Variants in THSD7A observed in about 807,000 individuals in gnomAD.
The protein encoded by THSD7A is thrombospondin type 1 domain containing 7A.
THSD7A carries 96 observed loss-of-function variants against 231.3 expected under a neutral mutation model. The observed-to-expected ratio is 0.41, with a 90% CI of 0.35 to 0.49. The LOEUF is 0.49. THSD7A is among the 20% of genes least tolerant of loss of function. THSD7A has a pLI of 0.05. For missense variants in THSD7A, 2,290 were observed against 2,070.2 expected (o/e 1.11, Z -2.06); for synonymous variants, 940 against 743.3 (o/e 1.26, Z -4.30).
chr7:11,728,678 T>C (rs1483109803), intron 1 of THSD7A, among the ~76,000 whole-genome samples: 1 of 151,950 alleles, frequency 6.6e-6, no homozygotes, highest in Non-Finnish European at 1.5e-5. Context: ...TTTTGTACTT[T>C]GAGGTTTGCA....
In THSD7A at chr7:11,444,604, G is replaced by C. The variant is rs1394683764; in HGVS notation, c.3064+1457C>G. 5.3e-5 allele frequency among the ~76,000 whole-genome samples: 8 copies of C among 151,872 alleles called. No individual in the cohort carries two copies. Among genetic ancestry groups the C allele is most frequent in the Non-Finnish European group, 1.2e-4 (8 of 67,996 alleles). ...ACATCACACACCGGGGTCTGTCAGG[G>C]GATGGGGGGCAGTGGAGGGATAGCA... On this transcript the variant is annotated intron_variant, in intron 13 of 27. Coordinates refer to ENST00000423059, the MANE Select transcript of THSD7A (RefSeq NM_015204.3). This position sits in a 1 kb window ranked among gnomAD's most constrained non-coding sequence, Gnocchi z 4.2.
chr7:11,412,032 T>A (rs1164629730), intron 18 of THSD7A, among the ~76,000 whole-genome samples: 1 of 152,080 alleles, frequency 6.6e-6, no homozygotes, highest in African/African-American at 2.4e-5. Flanking sequence ...TTGGGAAAAA[T>A]TCCAAAGTAA....
At chr7:11,543,499 G>A (rs1583940906) in intron 4 of THSD7A, among the ~76,000 whole-genome samples, 1 of 152,232 alleles carries the variant, frequency 6.6e-6, no homozygotes, top group African/African-American at 2.4e-5. Context: ...AAAAATAGGA[G>A]GGGGACTATA....
Position 11,454,395 on chromosome 7 carries a change from A to G in THSD7A, c.2605+6267T>C, listed in dbSNP as rs1031190601. Reference sequence around the variant, plus strand: ...TTCTCATTTTTTTAATGAGAAAAAGAAAAACAAAACTATCCTTGCCCCTTG... The same window carrying G: ...TTCTCATTTTTTTAATGAGAAAAAGGAAAACAAAACTATCCTTGCCCCTTG... On this transcript the variant is annotated intron_variant, in intron 11 of 27. Transcript: ENST00000423059. Among the ~76,000 whole-genome samples the G allele has an allele frequency of 3.3e-5, 5 of 151,924 alleles. No individual in the cohort carries two copies. In the South Asian group the frequency reaches 1.0e-3, roughly 31 times the overall value.
In THSD7A at chr7:11,474,472, C is replaced by T; in HGVS notation, c.2114G>A (p.Gly705Asp). The T allele has an allele frequency of 6.2e-7, 1 of 1,613,520 alleles. No individual in the cohort carries two copies. ...TACTGAGGTGTCCTCAATGCACTGG[C>T]CCCAGGGACCAGTTTGCCAGTGGTA... ...TVYHWQTGPW[G>D]QCIEDTSVSS... The change falls in exon 8 of 28, where the codon GGC becomes GAC. Residue 705 changes from glycine to aspartate, a missense_variant. By Grantham distance (94) the Gly-to-Asp change is moderately conservative. Coordinates refer to ENST00000423059, the MANE Select transcript of THSD7A (RefSeq NM_015204.3). The surrounding 1 kb of genome is among the most constrained non-coding windows in gnomAD (Gnocchi z 4.1).
chr7:11,476,146 A>T (rs565218527), intron 7 of THSD7A, among the ~76,000 whole-genome samples: 156 of 152,184 alleles, frequency 1.0e-3, no homozygotes, highest in African/African-American at 3.6e-3. Context: ...ATTTATATTA[A>T]AAATATGCCA....
At chr7:11,751,311 G>C (rs1487460174) in intron 1 of THSD7A, 1 of 152,038 alleles carries the variant, frequency 6.6e-6, no homozygotes, top group South Asian at 2.1e-4. Context: ...GGAAAAGAGG[G>C]CAATGGCTTT....
intron 13 of THSD7A, among the ~76,000 whole-genome samples, chr7:11,432,134 G>A (rs1412578271): frequency 1.3e-5 from 2 of 152,014 alleles, no homozygotes; most frequent in Non-Finnish European, 2.9e-5. Context: ...AAAAACATAA[G>A]CTTCTACCAC....
chr7:11,635,274 C>A (rs1288543462), intron 2 of THSD7A, among the ~76,000 whole-genome samples: 1 of 151,732 alleles, frequency 6.6e-6, no homozygotes, highest in Admixed American at 6.6e-5. Context: ...TTTTTCAGTT[C>A]AATCCAAATC....
At chr7:11,805,399 A>G (rs921683644) in intron 1 of THSD7A, among the ~76,000 whole-genome samples, 1 of 152,066 alleles carries the variant, frequency 6.6e-6, no homozygotes, top group Non-Finnish European at 1.5e-5. Context: ...ATATCTTGTT[A>G]ATGTAATGTT....
intron 13 of THSD7A, among the ~76,000 whole-genome samples, chr7:11,442,038 A>G (rs888326873): frequency 6.6e-6 from 1 of 152,046 alleles, no homozygotes; most frequent in African/African-American, 2.4e-5. Context: ...ACACCTTCCA[A>G]TATTTCATAC....
At chr7:11,496,707 C>G (rs1042004798) in intron 6 of THSD7A, among the ~76,000 whole-genome samples, 1 of 152,144 alleles carries the variant, frequency 6.6e-6, no homozygotes, top group African/African-American at 2.4e-5. Flanking sequence ...GATATTATCT[C>G]ACTTCTACAA....
At chr7:11,769,428 G>A (rs1391480559) in intron 1 of THSD7A, among the ~76,000 whole-genome samples, 1 of 151,650 alleles carries the variant, frequency 6.6e-6, no homozygotes, top group Non-Finnish European at 1.5e-5. Context: ...TGGGACTTAA[G>A]GCAGTGAGTC....
At chr7:11,617,137 G>C (rs1300091368) in intron 2 of THSD7A, among the ~76,000 whole-genome samples, 1 of 152,094 alleles carries the variant, frequency 6.6e-6, no homozygotes, top group East Asian at 1.9e-4. Flanking sequence ...ATTTTATTTG[G>C]TTGGTCCATA....
intron 1 of THSD7A, among the ~76,000 whole-genome samples, chr7:11,716,126 C>T (rs1045641112): frequency 6.6e-6 from 1 of 151,476 alleles, no homozygotes; most frequent in Non-Finnish European, 1.5e-5. Context: ...TTCTTTCTAG[C>T]CATACCTCCT....
At chr7:11,798,711 C>G (rs1025756276) in intron 1 of THSD7A, among the ~76,000 whole-genome samples, 33 of 152,036 alleles carry the variant, frequency 2.2e-4, no homozygotes, top group Admixed American at 1.4e-3. Context: ...TGGTATCTAA[C>G]TGATGATTCA....
intron 1 of THSD7A, among the ~76,000 whole-genome samples, chr7:11,742,792 C>G (rs767800387): frequency 6.1e-4 from 93 of 152,020 alleles, no homozygotes; most frequent in Non-Finnish European, 1.1e-3. Context: ...GGAAGCCATT[C>G]ATTCAAAGGT....
chr7:11,509,955 G>A (rs1224933783), intron 6 of THSD7A, among the ~76,000 whole-genome samples: 3 of 152,030 alleles, frequency 2.0e-5, no homozygotes, highest in South Asian at 4.2e-4. Context: ...TAATGGCTAT[G>A]CTAATTACTC....
intron 4 of THSD7A, among the ~76,000 whole-genome samples, chr7:11,558,840 A>G (rs1201356494): frequency 6.6e-6 from 1 of 152,196 alleles, no homozygotes; most frequent in East Asian, 1.9e-4. Context: ...ACTTAGCAAA[A>G]GGGACTCCAC....
Sources: gnomAD v4.1 joint callset for allele counts (sites outside exome capture counted in the v4.1 genomes callset) on GRCh38, gnomAD v4.1.1 for gene constraint, Gnocchi (gnomAD v3.1) non-coding constraint, MANE v1.5 for transcripts, NCBI Gene and HGNC (gene_info 2026-07-23, HGNC 2026-07-21) for gene names.